The following GALNT14 variants were observed in gnomAD, a reference collection of about 807,000 sequenced individuals.
The protein encoded by GALNT14 is polypeptide N-acetylgalactosaminyltransferase 14.
GALNT14 carries 60 observed loss-of-function variants against 77.5 expected under a neutral mutation model. The observed-to-expected ratio is 0.77, with a 90% CI of 0.63 to 0.96. The LOEUF is 0.96. Among genes scored for constraint, GALNT14 ranks in the 40% least tolerant of loss-of-function variants. The pLI is 0.00. For synonymous variants in GALNT14, 280 were observed against 281.7 expected (o/e 0.99, Z 0.06); for missense variants, 710 against 731.0 (o/e 0.97, Z 0.33).
chr2:31,058,051 C>T (rs10211370), intron 1 of GALNT14, among the ~76,000 whole-genome samples: 53,482 of 152,062 alleles, frequency 0.35, 10,277 homozygotes, highest in Admixed American at 0.44. Flanking sequence ...TGCCCCTCAG[C>T]CCTAGGTGGT....
chr2:30,940,102 A>G (rs570204204), intron 9 of GALNT14, among the ~76,000 whole-genome samples: 1 of 152,176 alleles, frequency 6.6e-6, no homozygotes, highest in African/African-American at 2.4e-5. Flanking sequence ...TCCCTGTGAT[A>G]GCTGTTGGCA....
At chr2:31,000,589 G>C (rs1216164745) in intron 1 of GALNT14, among the ~76,000 whole-genome samples, 2 of 152,122 alleles carry the variant, frequency 1.3e-5, no homozygotes, top group East Asian at 3.9e-4. Context: ...TGGAGACCCA[G>C]GGAAGAGCTG....
intron 1 of GALNT14, among the ~76,000 whole-genome samples, chr2:31,102,497 T>C (rs1677328760): frequency 6.6e-6 from 1 of 152,168 alleles, no homozygotes; most frequent in Non-Finnish European, 1.5e-5. Context: ...TCCAGTTTAA[T>C]TGCACTGTAA....
chr2:31,085,240 C>T (rs1399680335), intron 1 of GALNT14, among the ~76,000 whole-genome samples: 1 of 152,188 alleles, frequency 6.6e-6, no homozygotes, highest in Non-Finnish European at 1.5e-5. Context: ...CCCACTCCCT[C>T]ATCTTCCAGG....
intron 1 of GALNT14, among the ~76,000 whole-genome samples, chr2:31,092,806 G>T (rs1676819598): frequency 1.3e-5 from 2 of 152,104 alleles, no homozygotes; most frequent in Non-Finnish European, 2.9e-5. Context: ...ATGACCATTG[G>T]GTCACTAACA....
chr2:31,011,020 C>T (rs1324465711), intron 1 of GALNT14, among the ~76,000 whole-genome samples: 2 of 152,196 alleles, frequency 1.3e-5, no homozygotes, highest in East Asian at 1.9e-4. Context: ...CAAGCCTTGG[C>T]CTAGGCCTAC....
intron 1 of GALNT14, among the ~76,000 whole-genome samples, chr2:31,048,103 C>T (rs994306050): frequency 6.6e-6 from 1 of 152,250 alleles, no homozygotes; most frequent in African/African-American, 2.4e-5. Flanking sequence ...GCTCCTACCA[C>T]TCTGAGTGAA....
At chr2:30,895,798 TCTCA>T in the GALNT14 span, among the ~76,000 whole-genome samples, 1 of 151,914 alleles carries the variant, frequency 6.6e-6, no homozygotes, top group African/African-American at 2.4e-5. Flanking sequence ...CTGCTCTCTC[TCTCA>T]AAGAAAACCT....
At chr2:31,029,795 G>T (rs7605643) in intron 1 of GALNT14, among the ~76,000 whole-genome samples, 1 of 151,924 alleles carries the variant, frequency 6.6e-6, no homozygotes, top group Non-Finnish European at 1.5e-5. Flanking sequence ...AGAGAAAAGC[G>T]GCAACTTCTA....
chr2:31,075,086 T>G (rs1675675383), intron 1 of GALNT14, among the ~76,000 whole-genome samples: 1 of 152,150 alleles, frequency 6.6e-6, no homozygotes, highest in Non-Finnish European at 1.5e-5. Context: ...GTGATGAGAG[T>G]GAGCTCTCGC....
intron 13 of GALNT14, among the ~76,000 whole-genome samples, chr2:30,923,763 A>G (rs950887092): frequency 2.6e-5 from 4 of 152,122 alleles, no homozygotes; most frequent in Non-Finnish European, 1.5e-5. Flanking sequence ...TTTGCATTTC[A>G]CATCTGCGAG....
At chr2:30,887,955 C>T in the GALNT14 span, among the ~76,000 whole-genome samples, 1 of 152,206 alleles carries the variant, frequency 6.6e-6, no homozygotes, top group Non-Finnish European at 1.5e-5. Context: ...GGGGGTGCAA[C>T]CTGGGACCTG....
intron 1 of GALNT14, among the ~76,000 whole-genome samples, chr2:31,000,340 T>C (rs1236211660): frequency 6.6e-6 from 1 of 152,162 alleles, no homozygotes; most frequent in Non-Finnish European, 1.5e-5. Flanking sequence ...TCTCAGGTCA[T>C]GAAATTAATA....
intron 2 of GALNT14, among the ~76,000 whole-genome samples, chr2:30,984,596 T>C (rs1669182544): frequency 6.6e-6 from 1 of 152,202 alleles, no homozygotes; most frequent in South Asian, 2.1e-4. Flanking sequence ...TCCATCATTC[T>C]ACACCCTAAG....
At chr2:31,130,675 A>C (rs1470240213) in intron 1 of GALNT14, among the ~76,000 whole-genome samples, 1 of 151,634 alleles carries the variant, frequency 6.6e-6, no homozygotes, top group Non-Finnish European at 1.5e-5. Flanking sequence ...TATTCTGAAA[A>C]ACCAAAATAC....
intron 1 of GALNT14, among the ~76,000 whole-genome samples, chr2:31,073,374 C>G (rs1455852782): frequency 6.6e-6 from 1 of 150,610 alleles, no homozygotes; most frequent in Non-Finnish European, 1.5e-5. Context: ...ATAGAATAGT[C>G]AAAAAAACAA....
chr2:31,055,691 C>T (rs1674167189), intron 1 of GALNT14, among the ~76,000 whole-genome samples: 1 of 152,136 alleles, frequency 6.6e-6, no homozygotes, highest in Admixed American at 6.5e-5. Flanking sequence ...GCAACGGATC[C>T]CTAGAGTAAC....
At chr2:31,113,904 C>A (rs1573367791) in intron 1 of GALNT14, among the ~76,000 whole-genome samples, 2 of 152,266 alleles carry the variant, frequency 1.3e-5, no homozygotes, top group East Asian at 3.9e-4. Flanking sequence ...AAGCACATTC[C>A]TTTCCCTTCA....
At chr2:30,912,787 G>C (rs1391543962) in intron 13 of GALNT14, among the ~76,000 whole-genome samples, 1 of 152,006 alleles carries the variant, frequency 6.6e-6, no homozygotes, top group Non-Finnish European at 1.5e-5. Context: ...CCTGTTCTTT[G>C]AAAGGCAGTC....
Sources: allele counts gnomAD v4.1 joint callset (sites outside exome capture counted in the v4.1 genomes callset), GRCh38; gene constraint gnomAD v4.1.1; transcripts MANE v1.5; gene names NCBI Gene and HGNC (gene_info 2026-07-23, HGNC 2026-07-21).